PRKAR1A: variants seen among roughly 807,000 people sequenced by gnomAD.
The protein encoded by PRKAR1A is protein kinase cAMP-dependent type I regulatory subunit alpha, also known as cAMP-dependent protein kinase type I-alpha regulatory subunit.
Under a neutral mutation model 52.0 loss-of-function variants are expected in PRKAR1A, and 3 were observed. That is an observed-to-expected ratio of 0.06 (90% CI 0.03 to 0.15). PRKAR1A has a LOEUF of 0.15. Among genes scored for constraint, PRKAR1A ranks in the 10% least tolerant of loss-of-function variants. The pLI, the probability that PRKAR1A is intolerant of heterozygous loss-of-function variation, is 1.00. For synonymous variants in PRKAR1A, 188 were observed against 168.4 expected, an observed-to-expected ratio of 1.12 and a Z score of -0.90; for missense variants, 240 against 477.4, an observed-to-expected ratio of 0.50 and a Z score of 4.63.
the PRKAR1A span, chr17:68,450,668 T>C: frequency 6.5e-7 from 1 of 1,539,824 alleles, no homozygotes; most frequent in South Asian, 1.3e-5. Context: ...AAGATGTCCA[T>C]CTTTTTGTTT....
At chr17:68,540,872 A>G (rs1270307659) in intron 11 of PRKAR1A, 1 of 1,603,866 alleles carries the variant, frequency 6.2e-7, no homozygotes, top group Non-Finnish European at 8.5e-7. Context: ...GAAGATGGCC[A>G]TGTCGATGAC....
the PRKAR1A span, among the ~76,000 whole-genome samples, chr17:68,438,259 C>T: frequency 6.4e-4 from 86 of 133,882 alleles, 1 homozygote; most frequent in South Asian, 0.012. Context: ...CCTGCCACCC[C>T]TTTGGCGATA....
chr17:68,464,950 G>A, the PRKAR1A span, among the ~76,000 whole-genome samples: 1 of 148,564 alleles, frequency 6.7e-6, no homozygotes, highest in Non-Finnish European at 1.5e-5. Context: ...TTTTTAGACG[G>A]AGTCTTGCTC....
At chr17:68,539,373 T>G (rs769233184) in intron 11 of PRKAR1A, 1 of 1,614,206 alleles carries the variant, frequency 6.2e-7, no homozygotes, top group Admixed American at 1.7e-5. Context: ...GATGGAGATT[T>G]CATCATGGGA....
chr17:68,430,060 C>T, the PRKAR1A span: 1 of 1,614,188 alleles, frequency 6.2e-7, no homozygotes, highest in Non-Finnish European at 8.5e-7. Flanking sequence ...AAAGCCCTGT[C>T]CTGATGCATC....
the PRKAR1A span, among the ~76,000 whole-genome samples, chr17:68,497,188 T>C: frequency 2.6e-5 from 4 of 152,214 alleles, no homozygotes; most frequent in African/African-American, 4.8e-5. Context: ...AAAAATTAGA[T>C]GAAATTTACT....
At chr17:68,432,305 G>A in the PRKAR1A span, among the ~76,000 whole-genome samples, 1 of 152,198 alleles carries the variant, frequency 6.6e-6, no homozygotes, top group Admixed American at 6.5e-5. Context: ...GGCAGCGTGG[G>A]CTTGCTTTAA....
chr17:68,428,809 T>C, the PRKAR1A span: 1 of 1,590,792 alleles, frequency 6.3e-7, no homozygotes, highest in African/African-American at 1.3e-5. Flanking sequence ...AGGCTGTCTT[T>C]TGAAAAGCAG....
intron 2 of PRKAR1A, among the ~76,000 whole-genome samples, chr17:68,516,691 T>G (rs116187842): frequency 4.0e-5 from 6 of 151,796 alleles, no homozygotes; most frequent in African/African-American, 1.2e-4. Flanking sequence ...AAAAACTGAT[T>G]GTTAAAATTT....
At chr17:68,524,265 T>G in intron 5 of PRKAR1A, 188 bp downstream of exon 5, 2 of 602,920 alleles carry the variant, frequency 3.3e-6, no homozygotes, top group South Asian at 4.3e-5. Context: ...CACTTTGTAT[T>G]GGGAACTAAT....
At chr17:68,480,353 G>A in the PRKAR1A span, among the ~76,000 whole-genome samples, 1 of 152,078 alleles carries the variant, frequency 6.6e-6, no homozygotes, top group Non-Finnish European at 1.5e-5. Flanking sequence ...GACCTTCCAG[G>A]GAGGTTTTTG....
the PRKAR1A span, among the ~76,000 whole-genome samples, chr17:68,444,771 G>C: frequency 6.6e-6 from 1 of 152,084 alleles, no homozygotes; most frequent in Non-Finnish European, 1.5e-5. Context: ...TCATCCACCT[G>C]AACACAAGCA....
chr17:68,537,013 C>T (rs1568714369), downstream of PRKAR1A: 2 of 455,220 alleles, frequency 4.4e-6, no homozygotes, highest in Non-Finnish European at 8.8e-6. The surrounding 1 kb of genome is among the most constrained non-coding windows in gnomAD (Gnocchi z 4.2). Flanking sequence ...GTTGCCTGCG[C>T]TGGCCCAAAG....
the PRKAR1A span, among the ~76,000 whole-genome samples, chr17:68,475,175 G>GGGAACTTCCTTTTATTA: frequency 6.6e-6 from 1 of 152,230 alleles, no homozygotes; most frequent in Middle Eastern, 3.4e-3. Flanking sequence ...GGGAATAAAA[G>GGGAACTTCCTTTTATTA]GGAACTTCCT....
chr17:68,415,794 C>A, the PRKAR1A span, among the ~76,000 whole-genome samples: 436 of 152,160 alleles, frequency 2.9e-3, 1 homozygote, highest in African/African-American at 0.01. Flanking sequence ...TTTTAACTGC[C>A]GTTGCTTTAA....
At chr17:68,491,082 A>C in the PRKAR1A span, among the ~76,000 whole-genome samples, 1,475 of 141,002 alleles carry the variant, frequency 0.01, 38 homozygotes, top group African/African-American at 0.037. Flanking sequence ...AAAAATGATT[A>C]TTTCTTTCTT....
the PRKAR1A span, among the ~76,000 whole-genome samples, chr17:68,481,287 T>C: frequency 6.6e-6 from 1 of 152,364 alleles, no homozygotes; most frequent in African/African-American, 2.4e-5. Context: ...GGTTTTGGGA[T>C]GATTCAAGCT....
At chr17:68,437,003 A>ATATATATATAT in the PRKAR1A span, among the ~76,000 whole-genome samples, 774 of 60,196 alleles carry the variant, frequency 0.013, 6 homozygotes, top group Non-Finnish European at 0.019. Flanking sequence ...CAAAAAAAAA[A>ATATATATATAT]AAATATATAT....
At position 68,515,624 on chromosome 17, in the gene PRKAR1A, C is replaced by A. The variant is rs192922477; in HGVS notation, c.177+48C>A. The A allele has an allele frequency of 5.8e-6, 9 of 1,552,444 alleles. No individual in the cohort carries two copies. In the African/African-American group the frequency reaches 1.2e-4, roughly 21 times the overall value. ...GATGAGGTGATTGTGACAGTTGTTA[C>A]ATTTAATAACTGGAATGTTACTAAT... is the stretch of plus-strand genomic sequence containing the variant. On this transcript the variant is annotated intron_variant, in intron 2 of 10. Coordinates refer to ENST00000589228, the MANE Select transcript of PRKAR1A (RefSeq NM_002734.5).
Sources: gnomAD v4.1 joint callset for allele counts (sites outside exome capture counted in the v4.1 genomes callset) on GRCh38, gnomAD v4.1.1 for gene constraint, Gnocchi (gnomAD v3.1) non-coding constraint, MANE v1.5 for transcripts, NCBI Gene and HGNC (gene_info 2026-07-23, HGNC 2026-07-21) for gene names.